CPLX2: variants seen among roughly 807,000 people sequenced by gnomAD.
CPLX2 encodes complexin 2.
A neutral mutation model predicts 16.3 loss-of-function variants in CPLX2; 5 were observed. That is an observed-to-expected ratio of 0.31 (90% CI 0.16 to 0.64). The LOEUF (loss-of-function observed/expected upper bound fraction) is 0.64. Ranked by LOEUF, CPLX2 falls within the 30% of genes least tolerant of loss-of-function variation. CPLX2 has a pLI of 0.79. For missense variants in CPLX2, 144 were observed against 181.4 expected, an observed-to-expected ratio of 0.79 and a Z score of 1.18; for synonymous variants, 89 against 73.2, an observed-to-expected ratio of 1.22 and a Z score of -1.10.
At chr5:175,804,574 C>T (rs1410330709) in intron 1 of CPLX2, among the ~76,000 whole-genome samples, 2 of 152,186 alleles carry the variant, frequency 1.3e-5, no homozygotes, top group East Asian at 3.8e-4. Flanking sequence ...GGTTAAAGTC[C>T]TCTAGCGCCT....
chr5:175,831,736 GA>G (rs1184483987), intron 2 of CPLX2, among the ~76,000 whole-genome samples: 1 of 152,188 alleles, frequency 6.6e-6, no homozygotes, highest in Non-Finnish European at 1.5e-5. Flanking sequence ...GGTCAACCAA[GA>G]ACTATGACAT....
intron 2 of CPLX2, among the ~76,000 whole-genome samples, chr5:175,839,360 A>G (rs1020012333): frequency 2.0e-5 from 3 of 152,032 alleles, no homozygotes; most frequent in Admixed American, 6.6e-5. Flanking sequence ...ATCTCGGCTC[A>G]CTGCAACCTC....
upstream of CPLX2, among the ~76,000 whole-genome samples, chr5:175,868,787 T>C (rs1429581023): frequency 6.6e-6 from 1 of 152,008 alleles, no homozygotes; most frequent in Non-Finnish European, 1.5e-5. Context: ...AAAGTTACAT[T>C]TCCATAGGCT....
chr5:175,879,151 C>G (rs1173569327), intron 3 of CPLX2, 68 bp downstream of exon 3: 1 of 1,459,064 alleles, frequency 6.9e-7, no homozygotes, highest in Admixed American at 2.2e-5. Flanking sequence ...AGCTAAAGCC[C>G]CTGCTGGGGC....
At chr5:175,797,690 C>A (rs778202113) in intron 1 of CPLX2, among the ~76,000 whole-genome samples, 1 of 152,116 alleles carries the variant, frequency 6.6e-6, no homozygotes, top group East Asian at 1.9e-4. Flanking sequence ...CAGCTCCAGG[C>A]TCCCTCTCTC....
chr5:175,871,435 G>GAGAGAGAGAGAGAA (rs1561790333), upstream of CPLX2: 51 of 52,874 alleles, frequency 9.6e-4, 1 homozygote, highest in African/African-American at 3.2e-3. Context: ...GAGAGAGACA[G>GAGAGAGAGAGAGAA]AGAGAGAGAG....
intron 1 of CPLX2, among the ~76,000 whole-genome samples, chr5:175,807,260 C>A (rs1321714563): frequency 6.6e-6 from 1 of 152,232 alleles, no homozygotes; most frequent in Non-Finnish European, 1.5e-5. Context: ...TGTGTTCTGC[C>A]CACTCTTCAT....
At chr5:175,826,125 G>C (rs1050241599) in intron 2 of CPLX2, among the ~76,000 whole-genome samples, 2 of 151,954 alleles carry the variant, frequency 1.3e-5, no homozygotes, top group Non-Finnish European at 2.9e-5. Context: ...AGAGGGCTGC[G>C]ATAAAGGTGT....
chr5:175,873,464 C>T (rs914832380), intron 1 of CPLX2, among the ~76,000 whole-genome samples: 1 of 152,080 alleles, frequency 6.6e-6, no homozygotes, highest in African/African-American at 2.4e-5. Context: ...AAACAAGATA[C>T]TGGTCCTGTC....
intron 1 of CPLX2, among the ~76,000 whole-genome samples, chr5:175,799,598 C>T (rs1758055804): frequency 7.2e-6 from 1 of 138,656 alleles, no homozygotes; most frequent in Non-Finnish European, 1.5e-5. Flanking sequence ...TTACTGTATC[C>T]TCAAACTCCT....
At chr5:175,835,495 G>C (rs1179552959) in intron 2 of CPLX2, among the ~76,000 whole-genome samples, 2 of 151,984 alleles carry the variant, frequency 1.3e-5, no homozygotes, top group African/African-American at 2.4e-5. Flanking sequence ...ACCAGACAAA[G>C]GTATTACAAG....
Position 175,879,097 on chromosome 5 carries a change from G to C in CPLX2, c.207+14G>C. 6.4e-7 allele frequency: 1 copy of C among 1,553,806 alleles called. No individual in the cohort carries two copies. The highest frequency in any genetic ancestry group is 8.7e-7 in the Non-Finnish European group (1 of 1,148,798). Reference sequence around the variant, plus strand: ...ATCCGAGATAAGGTCAGCTCCGCCCGCCCGCCCGTCCTGGGGAGGGCCACA... The same window carrying C: ...ATCCGAGATAAGGTCAGCTCCGCCCCCCCGCCCGTCCTGGGGAGGGCCACA... On this transcript the variant is annotated intron_variant, in intron 3 of 3. Coordinates refer to ENST00000393745, the MANE Select transcript of CPLX2 (RefSeq NM_001008220.2).
At chr5:175,846,450 G>A (rs1273355816) in intron 2 of CPLX2, among the ~76,000 whole-genome samples, 1 of 152,192 alleles carries the variant, frequency 6.6e-6, no homozygotes, top group Non-Finnish European at 1.5e-5. Context: ...AAACAGGGTG[G>A]ATTTAATGGT....
intron 2 of CPLX2, among the ~76,000 whole-genome samples, chr5:175,848,259 G>C (rs1252069865): frequency 6.6e-6 from 1 of 152,180 alleles, no homozygotes; most frequent in Non-Finnish European, 1.5e-5. Context: ...AAAGGCTGAG[G>C]CATGATGAAA....
chr5:175,829,541 T>G (rs1373830644), intron 2 of CPLX2, among the ~76,000 whole-genome samples: 1 of 152,210 alleles, frequency 6.6e-6, no homozygotes. Context: ...CTGGGTCTTT[T>G]GGAGAAGCCA....
intron 1 of CPLX2, among the ~76,000 whole-genome samples, chr5:175,873,924 G>A (rs928952890): frequency 2.0e-5 from 3 of 152,216 alleles, no homozygotes; most frequent in Admixed American, 1.3e-4. Flanking sequence ...AAGGCTGTGG[G>A]AATAGCATGC....
upstream of CPLX2, among the ~76,000 whole-genome samples, chr5:175,866,958 A>G (rs1191752593): frequency 1.3e-5 from 2 of 152,130 alleles, no homozygotes; most frequent in Non-Finnish European, 2.9e-5. Context: ...GCACCCCTGT[A>G]GTCCCAGCTA....
At chr5:175,847,377 C>A (rs1468180288) in intron 2 of CPLX2, among the ~76,000 whole-genome samples, 1 of 152,176 alleles carries the variant, frequency 6.6e-6, no homozygotes, top group African/African-American at 2.4e-5. Context: ...TCACCCCCGA[C>A]ACAGGTTGCA....
chr5:175,813,637 C>T (rs1204148935), intron 2 of CPLX2, among the ~76,000 whole-genome samples: 1 of 152,246 alleles, frequency 6.6e-6, no homozygotes, highest in Non-Finnish European at 1.5e-5. Context: ...AGGGAGCTGG[C>T]CACAGGCACA....
Sources: allele counts gnomAD v4.1 joint callset (sites outside exome capture counted in the v4.1 genomes callset), GRCh38; gene constraint gnomAD v4.1.1; transcripts MANE v1.5; gene names NCBI Gene and HGNC (gene_info 2026-07-23, HGNC 2026-07-21).